NKAIN2: variants seen among roughly 807,000 people sequenced by gnomAD.
NKAIN2 encodes sodium/potassium transporting ATPase interacting 2.
In NKAIN2, 14 loss-of-function variants were observed where a neutral mutation model predicts 32.6. The observed-to-expected ratio is 0.43, with a 90% CI of 0.28 to 0.67. NKAIN2 has a LOEUF of 0.67. Ranked by LOEUF, NKAIN2 falls within the 30% of genes least tolerant of loss-of-function variation. The probability of loss-of-function intolerance (pLI) is 0.17; values close to 1 mark genes in which losing one functional copy is unlikely to be tolerated. For synonymous variants in NKAIN2, 80 were observed against 87.2 expected, an observed-to-expected ratio of 0.92 and a Z score of 0.46; for missense variants, 198 against 258.3, an observed-to-expected ratio of 0.77 and a Z score of 1.60.
chr6:124,661,185 G>A (rs540479864), intron 4 of NKAIN2, among the ~76,000 whole-genome samples: 1 of 152,318 alleles, frequency 6.6e-6, no homozygotes, highest in East Asian at 1.9e-4. Flanking sequence ...GGATGTGGTA[G>A]ACAAAGAATA....
intron 1 of NKAIN2, among the ~76,000 whole-genome samples, chr6:123,902,616 C>T (rs1440179511): frequency 1.3e-5 from 2 of 152,126 alleles, no homozygotes; most frequent in Admixed American, 1.3e-4. Flanking sequence ...GTTGTTAGTA[C>T]CATCTTGAAT....
At chr6:124,204,966 C>T (rs576426140) in intron 1 of NKAIN2, among the ~76,000 whole-genome samples, 3 of 130,074 alleles carry the variant, frequency 2.3e-5, no homozygotes, top group Admixed American at 1.6e-4. Context: ...AGCACTTATC[C>T]TCTGCATCTA....
intron 1 of NKAIN2, among the ~76,000 whole-genome samples, chr6:124,052,409 C>T (rs1782453962): frequency 1.3e-5 from 2 of 151,936 alleles, no homozygotes; most frequent in Non-Finnish European, 2.9e-5. Context: ...TGTTTATTAT[C>T]CATTTATTTT....
At chr6:123,988,682 A>G (rs1385825902) in intron 1 of NKAIN2, among the ~76,000 whole-genome samples, 1 of 152,222 alleles carries the variant, frequency 6.6e-6, no homozygotes, top group Non-Finnish European at 1.5e-5. Flanking sequence ...GTCAGAACCC[A>G]ATGAAGGAAA....
chr6:123,982,945 A>T (rs183481552), intron 1 of NKAIN2, among the ~76,000 whole-genome samples: 103 of 151,560 alleles, frequency 6.8e-4, no homozygotes, highest in African/African-American at 2.3e-3. Context: ...TCCATTCCCT[A>T]TTCCTTCCTT....
chr6:124,245,431 A>G (rs1259281626), intron 1 of NKAIN2, among the ~76,000 whole-genome samples: 1 of 152,030 alleles, frequency 6.6e-6, no homozygotes, highest in Non-Finnish European at 1.5e-5. Context: ...CAGGAGTGTT[A>G]TATATATATT....
intron 1 of NKAIN2, among the ~76,000 whole-genome samples, chr6:124,205,718 C>T (rs1790841123): frequency 6.6e-6 from 1 of 151,566 alleles, no homozygotes; most frequent in African/African-American, 2.4e-5. Flanking sequence ...GGGCATGGAT[C>T]TACACATAAG....
intron 4 of NKAIN2, among the ~76,000 whole-genome samples, chr6:124,691,848 C>T (rs528269932): frequency 8.5e-5 from 13 of 152,228 alleles, no homozygotes; most frequent in African/African-American, 1.9e-4. Context: ...AACAAACACA[C>T]GGTAATAAAC....
chr6:124,059,383 C>T (rs575972142), intron 1 of NKAIN2, among the ~76,000 whole-genome samples: 15 of 152,208 alleles, frequency 9.9e-5, no homozygotes, highest in Admixed American at 9.2e-4. Flanking sequence ...TATCTTAGGA[C>T]CTTTGCAAGG....
At chr6:124,453,063 A>G (rs1026274021) in intron 3 of NKAIN2, among the ~76,000 whole-genome samples, 2 of 151,998 alleles carry the variant, frequency 1.3e-5, no homozygotes, top group Non-Finnish European at 2.9e-5. Context: ...GACAGCATGG[A>G]CAAAAATTCT....
chr6:123,839,413 A>G (rs1774771423), intron 1 of NKAIN2, among the ~76,000 whole-genome samples: 1 of 152,140 alleles, frequency 6.6e-6, no homozygotes, highest in African/African-American at 2.4e-5. Flanking sequence ...TTAGCAGACA[A>G]TCTTTAGATG....
chr6:124,302,198 G>T (rs898263339), intron 2 of NKAIN2, among the ~76,000 whole-genome samples: 1 of 152,178 alleles, frequency 6.6e-6, no homozygotes, highest in African/African-American at 2.4e-5. Context: ...AGGTGACTTT[G>T]CTCCTCCTTC....
At chr6:124,227,212 T>C (rs1007260274) in intron 1 of NKAIN2, among the ~76,000 whole-genome samples, 3 of 152,038 alleles carry the variant, frequency 2.0e-5, no homozygotes, top group Non-Finnish European at 4.4e-5. Context: ...ATCCCTTTCA[T>C]GTGGGGTTTG....
At chr6:124,067,694 A>G (rs932715116) in intron 1 of NKAIN2, among the ~76,000 whole-genome samples, 1 of 152,180 alleles carries the variant, frequency 6.6e-6, no homozygotes, top group Non-Finnish European at 1.5e-5. Flanking sequence ...TCAGTATGAT[A>G]ATATACTACC....
At chr6:124,228,536 G>T (rs1205346095) in intron 1 of NKAIN2, among the ~76,000 whole-genome samples, 1 of 152,082 alleles carries the variant, frequency 6.6e-6, no homozygotes, top group Non-Finnish European at 1.5e-5. Context: ...CACACTGGGG[G>T]TTAGGGATTC....
chr6:123,817,774 G>T (rs1473885878), intron 1 of NKAIN2, among the ~76,000 whole-genome samples: 2 of 152,138 alleles, frequency 1.3e-5, no homozygotes, highest in Non-Finnish European at 2.9e-5. Context: ...GGGTATGAAG[G>T]CATGGGGAAA....
At chr6:124,714,924 G>A (rs1775680733) in intron 4 of NKAIN2, among the ~76,000 whole-genome samples, 1 of 152,190 alleles carries the variant, frequency 6.6e-6, no homozygotes, top group South Asian at 2.1e-4. Flanking sequence ...CCACAGCCCA[G>A]TGATGGCAGT....
chr6:123,893,154 T>C (rs1774101406), intron 1 of NKAIN2, among the ~76,000 whole-genome samples: 3 of 152,092 alleles, frequency 2.0e-5, no homozygotes, highest in Admixed American at 2.0e-4. Context: ...AGTTCATACT[T>C]CTTTTTCCTT....
At chr6:123,910,745 CTGCCCGCCTTAGCCTCCCAAAG>C (rs1775138965) in intron 1 of NKAIN2, among the ~76,000 whole-genome samples, 2 of 151,920 alleles carry the variant, frequency 1.3e-5, no homozygotes, top group Admixed American at 6.6e-5. Flanking sequence ...ACCTCGTGAT[CTGCCCGCCTTAGCCTCCCAAAG>C]TGCTGGGATT....
Sources: gnomAD v4.1 joint callset for allele counts (sites outside exome capture counted in the v4.1 genomes callset) on GRCh38, gnomAD v4.1.1 for gene constraint, MANE v1.5 for transcripts, NCBI Gene and HGNC (gene_info 2026-07-23, HGNC 2026-07-21) for gene names.